The following CNTN1 variants were observed in gnomAD, a reference collection of about 807,000 sequenced individuals.
The protein encoded by CNTN1 is contactin 1.
CNTN1 carries 38 observed loss-of-function variants against 126.4 expected under a neutral mutation model. The ratio of observed to expected loss-of-function variants is 0.30; its 90% CI spans 0.23 to 0.39. CNTN1 has a LOEUF of 0.39. CNTN1 is among the 10% of genes least tolerant of loss of function. The pLI, the probability that CNTN1 is intolerant of heterozygous loss-of-function variation, is 1.00. For missense variants in CNTN1, 1,009 were observed against 1,248.4 expected, an observed-to-expected ratio of 0.81 and a Z score of 2.89; for synonymous variants, 413 against 422.6, an observed-to-expected ratio of 0.98 and a Z score of 0.28.
In CNTN1 at chr12:41,037,373, A is replaced by G. The variant is rs1023562784; in HGVS notation, c.2980+8154A>G. Among the ~76,000 whole-genome samples the G allele has an allele frequency of 2.0e-5, 3 of 151,850 alleles. No individual in the cohort carries two copies. The South Asian group carries it at 6.2e-4, about 31-fold the overall frequency. On this transcript the variant is annotated intron_variant, in intron 23 of 23. Coordinates refer to ENST00000551295, the MANE Select transcript of CNTN1 (RefSeq NM_001843.4). Reference sequence around the variant, plus strand: ...TCTACACTTTTGCTGTACCTTTTCTATATTTATGTATGTATATATATATAC... The same window carrying G: ...TCTACACTTTTGCTGTACCTTTTCTGTATTTATGTATGTATATATATATAC...
chr12:40,863,840 G>A (rs1320158614), intron 1 of CNTN1, among the ~76,000 whole-genome samples: 2 of 151,906 alleles, frequency 1.3e-5, no homozygotes, highest in Non-Finnish European at 2.9e-5. Context: ...GGGACCTGGT[G>A]CCAAAGAGAT....
At chr12:40,967,325 A>T (rs1355223714) in intron 15 of CNTN1, among the ~76,000 whole-genome samples, 1 of 151,894 alleles carries the variant, frequency 6.6e-6, no homozygotes, top group Admixed American at 6.6e-5. Context: ...TACTAAAAAT[A>T]AAAAAATTAT....
At chr12:41,002,558 CTTT>C (rs1360030646) in intron 17 of CNTN1, among the ~76,000 whole-genome samples, 2 of 134,584 alleles carry the variant, frequency 1.5e-5, no homozygotes, top group Non-Finnish European at 1.6e-5. Flanking sequence ...GGGTTTCTTT[CTTT>C]TTTTTTTTTT....
intron 16 of CNTN1, among the ~76,000 whole-genome samples, chr12:40,984,986 T>A (rs1947919782): frequency 6.6e-6 from 1 of 152,034 alleles, no homozygotes; most frequent in East Asian, 1.9e-4. Context: ...TTACCAATGC[T>A]CATTATTTTG....
chr12:41,026,763 A>G (rs1184403761), intron 21 of CNTN1, among the ~76,000 whole-genome samples: 2 of 152,184 alleles, frequency 1.3e-5, no homozygotes, highest in African/African-American at 4.8e-5. Context: ...ACAGAGAGTG[A>G]TATCTAATTT....
At position 40,694,638 on chromosome 12, in the gene CNTN1, A is replaced by G. The variant is rs116319785; in HGVS notation, c.-77+2046A>G. Among the ~76,000 whole-genome samples the G allele has an allele frequency of 2.6e-3, 396 of 152,360 alleles. 1 individual carries two copies. Among genetic ancestry groups the G allele is most frequent in the Middle Eastern group, 0.01 (3 of 294 alleles). On this transcript the variant is annotated intron_variant, in intron 1 of 23. Transcript: ENST00000551295. ...GTTCTAGTCTGACATGTATCCCTACAAAATTTAATTCTGTGTTTTAAGAAC... is the reference window on the plus strand; with the variant it reads ...GTTCTAGTCTGACATGTATCCCTACGAAATTTAATTCTGTGTTTTAAGAAC...
chr12:41,036,068 C>T (rs1334663366), intron 23 of CNTN1, among the ~76,000 whole-genome samples: 1 of 152,002 alleles, frequency 6.6e-6, no homozygotes, highest in Non-Finnish European at 1.5e-5. Context: ...GTCTGAGACA[C>T]AATCAGAACA....
chr12:40,783,086 G>A (rs1939868437), intron 1 of CNTN1, among the ~76,000 whole-genome samples: 1 of 151,934 alleles, frequency 6.6e-6, no homozygotes, highest in Non-Finnish European at 1.5e-5. Flanking sequence ...AACAATATGA[G>A]TTTGGTCTCT....
chr12:40,719,283 G>GA (rs1565642523), intron 1 of CNTN1, among the ~76,000 whole-genome samples: 2 of 152,268 alleles, frequency 1.3e-5, no homozygotes, highest in East Asian at 3.9e-4. Context: ...ATGGGAAGAT[G>GA]AATTAATAGT....
intron 17 of CNTN1, among the ~76,000 whole-genome samples, chr12:41,008,603 T>C (rs1449345289): frequency 6.6e-6 from 1 of 152,234 alleles, no homozygotes; most frequent in Non-Finnish European, 1.5e-5. Flanking sequence ...CAACTATCTA[T>C]GACATGCTTA....
intron 1 of CNTN1, among the ~76,000 whole-genome samples, chr12:40,795,964 G>T (rs768972980): frequency 6.6e-6 from 1 of 151,994 alleles, no homozygotes; most frequent in Non-Finnish European, 1.5e-5. Context: ...TGAATTAATT[G>T]AATTTACAGC....
chr12:40,897,462 T>G (rs1944450508), intron 1 of CNTN1, among the ~76,000 whole-genome samples: 1 of 152,176 alleles, frequency 6.6e-6, no homozygotes. Flanking sequence ...GATTGATTGA[T>G]AAGACTTGGA....
chr12:40,701,290 A>G (rs561473575), intron 1 of CNTN1, among the ~76,000 whole-genome samples: 2 of 152,336 alleles, frequency 1.3e-5, no homozygotes, highest in Non-Finnish European at 2.9e-5. Context: ...TTGGACCATT[A>G]CAATGTGTCA....
chr12:40,810,554 C>T (rs4293199), intron 1 of CNTN1, among the ~76,000 whole-genome samples: 85,072 of 151,762 alleles, frequency 0.56, 24,279 homozygotes, highest in East Asian at 0.77. Context: ...CACACCCTAA[C>T]ATCTAGTACC....
intron 10 of CNTN1, 125 bp from the exon 11 acceptor site, chr12:40,937,445 C>T: frequency 1.4e-6 from 1 of 721,054 alleles, no homozygotes; most frequent in Non-Finnish European, 2.5e-6. Context: ...CTCAGTTCAT[C>T]TTAGGTAACA....
chr12:40,984,989 T>TA (rs1947920199), intron 16 of CNTN1, among the ~76,000 whole-genome samples: 1 of 152,050 alleles, frequency 6.6e-6, no homozygotes, highest in East Asian at 1.9e-4. Context: ...CCAATGCTCA[T>TA]TATTTTGGGG....
intron 23 of CNTN1, among the ~76,000 whole-genome samples, chr12:41,031,265 G>A (rs1057439458): frequency 3.9e-5 from 6 of 152,184 alleles, no homozygotes; most frequent in Admixed American, 2.0e-4. Flanking sequence ...GCCTGTTTCT[G>A]TGGTGTAAAT....
intron 23 of CNTN1, among the ~76,000 whole-genome samples, chr12:41,039,763 C>T (rs1949354081): frequency 1.3e-5 from 2 of 151,660 alleles, no homozygotes; most frequent in African/African-American, 2.4e-5. Context: ...CTTGGTGTTG[C>T]CCAAAGTTGG....
At chr12:40,971,543 C>CTT in intron 15 of CNTN1, 17 of 1,244,746 alleles carry the variant, frequency 1.4e-5, no homozygotes, top group Admixed American at 6.1e-5. Context: ...CTGTGAAAGA[C>CTT]TTTTTTTTTT....
Sources: gnomAD v4.1 joint callset for allele counts (sites outside exome capture counted in the v4.1 genomes callset) on GRCh38, gnomAD v4.1.1 for gene constraint, MANE v1.5 for transcripts, NCBI Gene and HGNC (gene_info 2026-07-23, HGNC 2026-07-21) for gene names.